LARP1B: variants seen among roughly 807,000 people sequenced by gnomAD.
LARP1B encodes the protein la-related protein 1B.
LARP1B carries 76 observed loss-of-function variants against 114.2 expected under a neutral mutation model. That is an observed-to-expected ratio of 0.67 (90% CI 0.55 to 0.81). The LOEUF is 0.81. Among genes scored for constraint, LARP1B ranks in the 30% least tolerant of loss-of-function variants. The probability of loss-of-function intolerance (pLI) is 0.00; values close to 1 mark genes in which losing one functional copy is unlikely to be tolerated. For missense variants in LARP1B, 1,014 were observed against 1,075.8 expected, an observed-to-expected ratio of 0.94 and a Z score of 0.80; for synonymous variants, 345 against 348.0, an observed-to-expected ratio of 0.99 and a Z score of 0.10.
rs75914707 is a variant in LARP1B, at chr4:128,188,265, G to A, written c.2003+8753G>A. On this transcript the variant is annotated intron_variant, in intron 15 of 19. Transcript: ENST00000326639. ...AATTTTTGTATTTTTAGTAGAGATG[G>A]GGTTTCTCCATGTTGGTCAGGCTGG... Among the ~76,000 whole-genome samples, 333 of 152,036 alleles carry A rather than the reference G, an allele frequency of 2.2e-3. 12 individuals are homozygous for A. In the East Asian group the frequency reaches 0.056, roughly 26 times the overall value.
chr4:128,205,852 G>A (rs1757428825), intron 17 of LARP1B, among the ~76,000 whole-genome samples: 1 of 152,174 alleles, frequency 6.6e-6, no homozygotes, highest in Admixed American at 6.5e-5. Context: ...GAGAGATAAT[G>A]TGTGCATCTA....
intron 18 of LARP1B, chr4:128,206,796 A>G (rs1240874161): frequency 1.0e-6 from 1 of 985,418 alleles, no homozygotes; most frequent in East Asian, 1.1e-4. Flanking sequence ...AAACGTGGCT[A>G]CTCACTGATG....
chr4:128,069,212 A>T, intron 1 of LARP1B: 1 of 1,088,138 alleles, frequency 9.2e-7, no homozygotes, highest in Non-Finnish European at 1.4e-6. Flanking sequence ...TGATAGCTTT[A>T]TGGAATGGAT....
intron 19 of LARP1B, among the ~76,000 whole-genome samples, chr4:128,209,328 G>A (rs1758461273): frequency 6.6e-6 from 1 of 152,196 alleles, no homozygotes; most frequent in African/African-American, 2.4e-5. Flanking sequence ...GGCTGAGGCA[G>A]GAGAATCGCT....
intron 15 of LARP1B, among the ~76,000 whole-genome samples, chr4:128,183,457 G>A (rs982003359): frequency 5.9e-5 from 9 of 152,150 alleles, no homozygotes; most frequent in African/African-American, 1.9e-4. Context: ...TACAATGTGG[G>A]TTACTAAATA....
In LARP1B at chr4:128,210,263, C is replaced by T; in HGVS notation, c.*210C>T. The T allele has an allele frequency of 7.2e-7, 1 of 1,382,830 alleles. No homozygotes were observed. The highest frequency in any genetic ancestry group is 1.5e-5 in the African/African-American group (1 of 68,960). The allele number at this position is 1,382,830 out of a possible 1,614,324, so 85.7% of individuals were successfully genotyped here. A position where few individuals can be genotyped will look rare whatever the true frequency, so the allele number is the denominator to read the frequency against. ...ACAAGATAAATTCTAAAAATGTTTTCCCTGATTTCACAAACAAGGATAGTC... is the reference window on the plus strand; with the variant it reads ...ACAAGATAAATTCTAAAAATGTTTTTCCTGATTTCACAAACAAGGATAGTC... On this transcript the variant is annotated 3_prime_UTR_variant, in exon 20 of 20. Transcript: ENST00000326639.
In LARP1B at chr4:128,074,502, CAAA is replaced by C. The variant is rs1355509915; in HGVS notation, c.-34_-32del. The C allele has an allele frequency of 3.8e-5, 35 of 930,642 alleles. No homozygotes were observed. Among genetic ancestry groups the C allele is most frequent in the Non-Finnish European group, 4.2e-5 (33 of 779,616 alleles). 57.6% of individuals were successfully genotyped at this position (930,642 alleles called of 1,614,324 possible). ...ATTATAAAGGCAGGAAAGCTCAAGA[CAAA>C]GAAATCCAACAAGGTATGTCTTCAT... On this transcript the variant is annotated 5_prime_UTR_variant, in exon 2 of 20. Coordinates refer to ENST00000326639, the MANE Select transcript of LARP1B (RefSeq NM_018078.4).
At chr4:128,192,236 A>G (rs1465162933) in intron 15 of LARP1B, among the ~76,000 whole-genome samples, 2 of 152,174 alleles carry the variant, frequency 1.3e-5, no homozygotes, top group African/African-American at 2.4e-5. Context: ...TATAACTTTT[A>G]TATTTACTGG....
intron 5 of LARP1B, among the ~76,000 whole-genome samples, chr4:128,083,583 C>A (rs574437208): frequency 1.4e-4 from 20 of 147,796 alleles, no homozygotes; most frequent in Non-Finnish European, 2.9e-4. Flanking sequence ...CTGACCCCCC[C>A]ACCTCCCTCC....
chr4:128,083,829 G>A (rs1307195989), intron 5 of LARP1B, among the ~76,000 whole-genome samples: 2 of 151,732 alleles, frequency 1.3e-5, no homozygotes, highest in African/African-American at 2.4e-5. Context: ...CCCGGACGGG[G>A]CGGCTGCCGG....
At chr4:128,083,541 C>A (rs1381916004) in intron 5 of LARP1B, among the ~76,000 whole-genome samples, 1 of 149,772 alleles carries the variant, frequency 6.7e-6, no homozygotes, top group African/African-American at 2.5e-5. Context: ...GCGCCCCTCA[C>A]CTCCCGGACG....
rs1457959954 is a variant in LARP1B, at chr4:128,209,868, G to A, written c.2560G>A (p.Asp854Asn). The A allele has an allele frequency of 6.2e-7, 1 of 1,613,526 alleles. No individual in the cohort carries two copies. Among genetic ancestry groups the A allele is most frequent in the East Asian group, 2.2e-5 (1 of 44,876 alleles). ...EDFRVDPPIS[D>N]EFGRKRHSST... The stretch of plus-strand genomic sequence containing the variant: ...TCATCATTTGCAGCCCCCTATTAGT[G>A]ATGAATTTGGAAGAAAAAGACATTC... The change falls in exon 20 of 20, where the codon GAT becomes AAT. Residue 854 changes from aspartate (D) to asparagine (N), a missense_variant. Asp to Asn is a conservative substitution (Grantham distance 23, BLOSUM62 1). Transcript: ENST00000326639.
chr4:128,115,361 G>A (rs760399917), intron 10 of LARP1B, among the ~76,000 whole-genome samples: 6 of 152,146 alleles, frequency 3.9e-5, no homozygotes, highest in African/African-American at 9.7e-5. Flanking sequence ...GCAGGAGTTC[G>A]GGGCCCCCTG....
chr4:128,196,248 C>CAAAAAAAAAA (rs35423896), intron 15 of LARP1B, among the ~76,000 whole-genome samples: 4 of 88,576 alleles, frequency 4.5e-5, no homozygotes, highest in Non-Finnish European at 6.6e-5. Context: ...GAGAGTCTGT[C>CAAAAAAAAAA]AAAAAAAAAA....
downstream of LARP1B, among the ~76,000 whole-genome samples, chr4:128,214,690 G>A (rs1427141866): frequency 4.7e-5 from 3 of 63,898 alleles, no homozygotes; most frequent in African/African-American, 1.9e-4. Context: ...ACAAAGATGG[G>A]GAAAAAACAG....
At chr4:128,125,092 T>C (rs1455193200) in intron 11 of LARP1B, among the ~76,000 whole-genome samples, 2 of 152,188 alleles carry the variant, frequency 1.3e-5, no homozygotes, top group African/African-American at 4.8e-5. Context: ...TAAGAAAATA[T>C]CTGCTTAAAA....
intron 3 of LARP1B, 122 bp downstream of exon 3, chr4:128,075,115 T>G: frequency 1.4e-6 from 1 of 705,912 alleles, no homozygotes; most frequent in Non-Finnish European, 2.4e-6. Flanking sequence ...TTTTTTTTAT[T>G]TTTTTGAGAC....
chr4:128,091,124 G>A lies in LARP1B; in HGVS notation c.482G>A (p.Arg161Gln), dbSNP rs1316203352. 4.3e-6 allele frequency: 7 copies of A among 1,612,640 alleles called. No individual in the cohort carries two copies. Among genetic ancestry groups the A allele is most frequent in the Middle Eastern group, 1.7e-4 (1 of 6,032 alleles). Residue 161 changes from arginine to glutamine, a missense_variant, in exon 6 of 20, where the codon CGA (arginine) becomes CAA (glutamine). Physicochemically the swap from Arg to Gln is conservative, Grantham distance 43. Coordinates refer to ENST00000326639, the MANE Select transcript of LARP1B (RefSeq NM_018078.4). The part of the protein sequence containing the change: ...RGRGRGRGRG[R>Q]GRGNPRLNFD... ...AGAGGCCGAGGACGGGGAAGAGGAC[G>A]AGGCAGAGGAAATCCTCGATGTATG...
At chr4:128,112,235 A>T (rs535613990) in intron 9 of LARP1B, among the ~76,000 whole-genome samples, 259 of 152,154 alleles carry the variant, frequency 1.7e-3, no homozygotes, top group African/African-American at 5.7e-3. Flanking sequence ...TATTCTTAAA[A>T]TTATAAAACA....
Sources: allele counts gnomAD v4.1 joint callset (sites outside exome capture counted in the v4.1 genomes callset), GRCh38; gene constraint gnomAD v4.1.1; transcripts MANE v1.5; gene names NCBI Gene and HGNC (gene_info 2026-07-23, HGNC 2026-07-21).